The following GALNT13 variants were observed in gnomAD, a reference collection of about 807,000 sequenced individuals.
GALNT13 encodes UDP-GalNAc:polypeptide N-acetylgalactosaminyltransferase 13.
Under a neutral mutation model 64.2 loss-of-function variants are expected in GALNT13, and 28 were observed. The observed-to-expected ratio is 0.44, with a 90% CI of 0.32 to 0.60. The LOEUF (loss-of-function observed/expected upper bound fraction) is 0.60. Ranked by LOEUF, GALNT13 falls within the 20% of genes least tolerant of loss-of-function variation. The pLI is 0.05. For synonymous variants in GALNT13, 214 were observed against 224.6 expected (o/e 0.95, Z 0.42); for missense variants, 577 against 669.8 (o/e 0.86, Z 1.53).
At chr2:153,687,150 T>G in the GALNT13 span, among the ~76,000 whole-genome samples, 1 of 151,990 alleles carries the variant, frequency 6.6e-6, no homozygotes, top group Non-Finnish European at 1.5e-5. Context: ...GATGATGCTG[T>G]TCTCATCAAA....
At chr2:153,078,534 C>A in the GALNT13 span, among the ~76,000 whole-genome samples, 1 of 152,022 alleles carries the variant, frequency 6.6e-6, no homozygotes, top group Non-Finnish European at 1.5e-5. Flanking sequence ...CTCGTCTGAA[C>A]TCCTGACCTC....
the GALNT13 span, among the ~76,000 whole-genome samples, chr2:153,600,624 C>T: frequency 1.3e-5 from 2 of 151,948 alleles, no homozygotes; most frequent in Non-Finnish European, 2.9e-5. Flanking sequence ...TACATCCTCC[C>T]AACGCCATAT....
intron 3 of GALNT13, among the ~76,000 whole-genome samples, chr2:154,069,262 A>G (rs1482669389): frequency 6.6e-6 from 1 of 152,028 alleles, no homozygotes; most frequent in African/African-American, 2.4e-5. Context: ...ATGGAAGCAC[A>G]TAGTATACAG....
chr2:154,331,467 C>A (rs1695163539), intron 9 of GALNT13, among the ~76,000 whole-genome samples: 1 of 146,516 alleles, frequency 6.8e-6, no homozygotes, highest in South Asian at 2.2e-4. Flanking sequence ...CATGCCCACA[C>A]AATTTTTTTT....
chr2:153,802,767 T>A, the GALNT13 span, among the ~76,000 whole-genome samples: 10 of 152,222 alleles, frequency 6.6e-5, no homozygotes, highest in Non-Finnish European at 1.2e-4. Context: ...CAAGCCTCTT[T>A]CATTTAGTCA....
chr2:153,845,932 A>G, the GALNT13 span, among the ~76,000 whole-genome samples: 1 of 152,198 alleles, frequency 6.6e-6, no homozygotes, highest in Non-Finnish European at 1.5e-5. Flanking sequence ...ATGAAAGAAA[A>G]AATAAGATAG....
the GALNT13 span, among the ~76,000 whole-genome samples, chr2:153,361,397 AG>A: frequency 6.6e-6 from 1 of 152,098 alleles, no homozygotes; most frequent in African/African-American, 2.4e-5. Context: ...ACGCTTCAGA[AG>A]GTGGGTAATA....
At chr2:153,074,492 C>T in the GALNT13 span, among the ~76,000 whole-genome samples, 71 of 152,202 alleles carry the variant, frequency 4.7e-4, 1 homozygote, top group South Asian at 6.6e-3. Flanking sequence ...TATACTTATG[C>T]GAACCTAGAA....
the GALNT13 span, among the ~76,000 whole-genome samples, chr2:153,170,593 C>T: frequency 6.6e-6 from 1 of 152,180 alleles, no homozygotes; most frequent in Non-Finnish European, 1.5e-5. Flanking sequence ...AAAATAGTGT[C>T]TCATTGCAAG....
In GALNT13 at chr2:154,140,449, T is replaced by C; in HGVS notation, c.255T>C (p.Leu85=). The C allele has an allele frequency of 6.2e-7, 1 of 1,612,780 alleles. No individual in the cohort carries two copies. The highest frequency in any genetic ancestry group is 8.5e-7 in the Non-Finnish European group (1 of 1,179,018). ...TGTTTAAAATCAATCAGTTTAACCT[T>C]ATGGCCAGTGATTTGATTGCCCTTA... ...KELFKINQFN[L]MASDLIALNR... Residue 85 remains leucine (L), a synonymous_variant, in exon 4 of 13, where the codon CTT becomes CTC. Coordinates refer to ENST00000392825, the MANE Select transcript of GALNT13 (RefSeq NM_052917.4).
the GALNT13 span, among the ~76,000 whole-genome samples, chr2:153,197,737 G>A: frequency 1.1e-4 from 17 of 152,304 alleles, no homozygotes; most frequent in Non-Finnish European, 2.4e-4. Context: ...CTGCTTGGGA[G>A]GACAGAGTTT....
intron 4 of GALNT13, among the ~76,000 whole-genome samples, chr2:154,142,822 ATG>A (rs199728940): frequency 0.068 from 10,166 of 150,384 alleles, 428 homozygotes; most frequent in Middle Eastern, 0.13. Context: ...TCCTGTGCAT[ATG>A]TGTGTGTGTG....
chr2:153,994,547 T>C lies in GALNT13; in HGVS notation c.142+49908T>C, dbSNP rs887968264. 2.0e-5 allele frequency among the ~76,000 whole-genome samples: 3 copies of C among 152,194 alleles called. No individual in the cohort carries two copies. The East Asian group carries it at 5.8e-4, about 29-fold the overall frequency. ...CAGTCCCACCAAAAGTGTAAAAGTGTTCCTATTCTTCCACATCCTCTCCAG... is the reference window on the plus strand; with the variant it reads ...CAGTCCCACCAAAAGTGTAAAAGTGCTCCTATTCTTCCACATCCTCTCCAG... On this transcript the variant is annotated intron_variant, in intron 3 of 12. Transcript: ENST00000392825.
At chr2:153,626,079 A>G in the GALNT13 span, among the ~76,000 whole-genome samples, 2 of 152,144 alleles carry the variant, frequency 1.3e-5, no homozygotes, top group South Asian at 2.1e-4. Context: ...TGCATACTCC[A>G]TACTGTAAGA....
chr2:153,723,610 A>G, the GALNT13 span, among the ~76,000 whole-genome samples: 8 of 152,098 alleles, frequency 5.3e-5, no homozygotes, highest in South Asian at 2.1e-4. Flanking sequence ...GCAAAGTCTC[A>G]GGATACAATA....
the GALNT13 span, among the ~76,000 whole-genome samples, chr2:153,433,839 A>C: frequency 6.6e-6 from 1 of 151,828 alleles, no homozygotes; most frequent in Non-Finnish European, 1.5e-5. Context: ...TAATTTTATT[A>C]TTATTATACT....
At chr2:154,180,963 G>C (rs1412134416) in intron 4 of GALNT13, among the ~76,000 whole-genome samples, 1 of 152,096 alleles carries the variant, frequency 6.6e-6, no homozygotes, top group African/African-American at 2.4e-5. Flanking sequence ...CTTACCATTG[G>C]TGGGTTCCAC....
the GALNT13 span, among the ~76,000 whole-genome samples, chr2:153,258,964 G>T: frequency 6.6e-6 from 1 of 152,142 alleles, no homozygotes; most frequent in Non-Finnish European, 1.5e-5. Flanking sequence ...GATTAGGTCC[G>T]TTTGGTCTAC....
the GALNT13 span, among the ~76,000 whole-genome samples, chr2:153,589,593 G>T: frequency 2.0e-5 from 3 of 152,174 alleles, no homozygotes; most frequent in Non-Finnish European, 4.4e-5. Context: ...ATTTACAAAA[G>T]AAAGAGTTTT....
Sources: allele counts gnomAD v4.1 joint callset (sites outside exome capture counted in the v4.1 genomes callset), GRCh38; gene constraint gnomAD v4.1.1; transcripts MANE v1.5; gene names NCBI Gene and HGNC (gene_info 2026-07-23, HGNC 2026-07-21).